SLC1A6: variants seen among roughly 807,000 people sequenced by gnomAD.
The protein encoded by SLC1A6 is excitatory amino acid transporter 4.
SLC1A6 carries 15 observed loss-of-function variants against 42.1 expected under a neutral mutation model. The observed-to-expected ratio is 0.36, with a 90% CI of 0.24 to 0.55. The LOEUF is 0.55. Among genes scored for constraint, SLC1A6 ranks in the 20% least tolerant of loss-of-function variants. SLC1A6 has a pLI of 0.88. For synonymous variants in SLC1A6, 317 were observed against 319.7 expected (o/e 0.99, Z 0.09); for missense variants, 542 against 772.5 (o/e 0.70, Z 3.54).
chr19:14,964,582 C>T, intron 4 of SLC1A6, among the ~76,000 whole-genome samples: 1 of 152,128 alleles, frequency 6.6e-6, no homozygotes, highest in East Asian at 1.9e-4. Flanking sequence ...TAGAAAGAAA[C>T]CACAGCCCAG....
chr19:14,992,823 C>A (rs561935057), intron 1 of SLC1A6, among the ~76,000 whole-genome samples: 47 of 152,256 alleles, frequency 3.1e-4, no homozygotes, highest in Admixed American at 6.5e-4. Flanking sequence ...ACGACTGCCC[C>A]AGCTGCAAGG....
At chr19:14,999,229 T>C (rs2045861888) in intron 1 of SLC1A6, among the ~76,000 whole-genome samples, 1 of 152,124 alleles carries the variant, frequency 6.6e-6, no homozygotes, top group African/African-American at 2.4e-5. Context: ...GGTGGCTTCA[T>C]CTGCAAAATA....
At chr19:14,982,720 G>C (rs116283894), upstream of SLC1A6, among the ~76,000 whole-genome samples, 2 of 152,256 alleles carry the variant, frequency 1.3e-5, no homozygotes, top group African/African-American at 4.8e-5. Context: ...ATCTAAAACT[G>C]TTCTCAGAAA....
chr19:14,966,042 G>A (rs565195534), intron 4 of SLC1A6, among the ~76,000 whole-genome samples: 8 of 152,112 alleles, frequency 5.3e-5, no homozygotes, highest in Middle Eastern at 3.4e-3. Flanking sequence ...AGCGGGAGGC[G>A]GGGAGAGTAG....
intron 1 of SLC1A6, chr19:14,973,563 G>A (rs3761100): frequency 0.72 from 109,803 of 152,652 alleles, 39,768 homozygotes; most frequent in African/African-American, 0.8. Context: ...GAGAATGGCT[G>A]GGAAGAGGAG....
intron 1 of SLC1A6, among the ~76,000 whole-genome samples, chr19:14,990,491 T>C (rs6511993): frequency 0.7 from 107,134 of 151,984 alleles, 38,083 homozygotes; most frequent in African/African-American, 0.8. Context: ...TAATTTTGGC[T>C]GGGTGCAGTG....
chr19:14,952,828 C>A, intron 9 of SLC1A6, 100 bp downstream of exon 9: 1 of 1,425,366 alleles, frequency 7.0e-7, no homozygotes, highest in Non-Finnish European at 9.4e-7. Context: ...TGGACCACTG[C>A]ATCTTTGCTG....
rs531256831 is a variant in SLC1A6, at chr19:14,951,848, T to C, written c.1499+1080A>G. 3.3e-5 allele frequency among the ~76,000 whole-genome samples: 5 copies of C among 150,572 alleles called. No homozygotes were observed. The South Asian group carries it at 1.1e-3, about 32-fold the overall frequency. ...TTGTGTTTTTGAAACAGAGTGTTGC[T>C]CTGTCACACAGGCTGGAGTACAGTC... On this transcript the variant is annotated intron_variant, in intron 9 of 9. Transcript: ENST00000594383.
intron 7 of SLC1A6, among the ~76,000 whole-genome samples, chr19:14,955,178 G>C (rs10403853): frequency 6.6e-6 from 1 of 151,962 alleles, no homozygotes. Flanking sequence ...TGGGTGTCCA[G>C]CTCAGCGGTG....
In SLC1A6 at chr19:14,972,811, C is replaced by T; in HGVS notation, c.100G>A (p.Ala34Thr). 1 of 1,611,620 alleles carries T rather than the reference C, an allele frequency of 6.2e-7. No individual in the cohort carries two copies. The highest frequency in any genetic ancestry group is 8.5e-7 in the Non-Finnish European group (1 of 1,179,212). The stretch of plus-strand genomic sequence containing the variant: ...TGCAGGCGCAGGCGCGTGCGCAGTG[C>T]TCTCTGCTGCAGGCTTTCCTGCAGC... ...QRLQESLQQR[A>T]LRTRLRLQTM... Residue 34 changes from alanine (A) to threonine (T), a missense_variant, in exon 2 of 10, where the codon GCA (alanine) becomes ACA (threonine). Ala to Thr is a moderately conservative substitution (Grantham distance 58). This residue lies in a region of SLC1A6 where 88 missense variants were observed against 85.5 expected (regional missense o/e 1.03). Coordinates refer to ENST00000594383, the MANE Select transcript of SLC1A6 (RefSeq NM_005071.3).
intron 4 of SLC1A6, among the ~76,000 whole-genome samples, chr19:14,967,668 G>T (rs1485392070): frequency 6.6e-6 from 1 of 152,200 alleles, no homozygotes; most frequent in Non-Finnish European, 1.5e-5. Flanking sequence ...TACGCTCAAA[G>T]AATAAATTGT....
chr19:15,003,811 C>A (rs1394726927), intron 1 of SLC1A6, among the ~76,000 whole-genome samples: 1 of 152,080 alleles, frequency 6.6e-6, no homozygotes, highest in Non-Finnish European at 1.5e-5. Flanking sequence ...GAACAGGTGG[C>A]CCCAGCAAAG....
In SLC1A6 at chr19:14,964,175, C is replaced by T. The variant is rs899836975; in HGVS notation, c.591+144G>A. On this transcript the variant is annotated intron_variant, in intron 5 of 9. Coordinates refer to ENST00000594383, the MANE Select transcript of SLC1A6 (RefSeq NM_005071.3). ...CCCCAGATCACCATGGAAAATACAT[C>T]CTTTCTCCTAGACTCCTCAAGAACC... The T allele has an allele frequency of 3.7e-4, 251 of 683,736 alleles. 5 individuals carry two copies. In the East Asian group the frequency reaches 6.4e-3, roughly 17 times the overall value. The allele number at this position is 683,736 out of a possible 1,614,324, so 42.4% of individuals were successfully genotyped here.
At chr19:15,004,439 T>C (rs185357454) in intron 1 of SLC1A6, among the ~76,000 whole-genome samples, 3 of 148,914 alleles carry the variant, frequency 2.0e-5, no homozygotes, top group Non-Finnish European at 3.0e-5. Flanking sequence ...TGGTGGCTTG[T>C]GGCCATAATC....
chr19:15,004,628 G>C (rs1231849877), intron 1 of SLC1A6, among the ~76,000 whole-genome samples: 4 of 151,350 alleles, frequency 2.6e-5, no homozygotes, highest in African/African-American at 9.7e-5. Context: ...GAGACCAGGA[G>C]TTGGAGGCTT....
At chr19:15,007,573 T>A (rs2045901920) in intron 1 of SLC1A6, among the ~76,000 whole-genome samples, 1 of 152,100 alleles carries the variant, frequency 6.6e-6, no homozygotes, top group South Asian at 2.1e-4. Context: ...TCAAGTAAGA[T>A]GATCATAGCA....
At chr19:14,955,912 G>A (rs1296789644) in intron 7 of SLC1A6, among the ~76,000 whole-genome samples, 1 of 151,958 alleles carries the variant, frequency 6.6e-6, no homozygotes, top group Non-Finnish European at 1.5e-5. Flanking sequence ...TCCAGCCTGG[G>A]TGACAGAGTG....
intron 3 of SLC1A6, among the ~76,000 whole-genome samples, chr19:14,970,736 ATACT>A (rs1175041263): frequency 6.6e-6 from 1 of 151,882 alleles, no homozygotes; most frequent in Admixed American, 6.6e-5. Flanking sequence ...ATAGTATATA[ATACT>A]TACAGCATAC....
chr19:14,950,480 G>A (rs1178659933), intron 9 of SLC1A6, 90 bp from the exon 10 acceptor site: 2 of 891,298 alleles, frequency 2.2e-6, no homozygotes, highest in Non-Finnish European at 3.4e-6. Flanking sequence ...CCTGTGCCAG[G>A]GAGTCAGAGG....
Sources: gnomAD v4.1 joint callset for allele counts (sites outside exome capture counted in the v4.1 genomes callset) on GRCh38, gnomAD v4.1.1 for gene constraint, gnomAD v4.1.1 regional missense constraint, MANE v1.5 for transcripts, NCBI Gene and HGNC (gene_info 2026-07-23, HGNC 2026-07-21) for gene names.